SUMF1: variants seen among roughly 807,000 people sequenced by gnomAD.
SUMF1 encodes sulfatase modifying factor 1, also known as formylglycine-generating enzyme.
A neutral mutation model predicts 47.6 loss-of-function variants in SUMF1; 48 were observed. That is an observed-to-expected ratio of 1.01 (90% CI 0.80 to 1.28). The LOEUF is 1.28. Ranked by LOEUF, SUMF1 falls within the 50% of genes most tolerant of loss-of-function variation. The pLI is 0.00. For synonymous variants in SUMF1, 230 were observed against 192.1 expected (o/e 1.20, Z -1.63); for missense variants, 571 against 485.4 (o/e 1.18, Z -1.66).
At chr3:4,454,200 C>A (rs1206763810) in intron 1 of SUMF1, among the ~76,000 whole-genome samples, 1 of 152,162 alleles carries the variant, frequency 6.6e-6, no homozygotes, top group Non-Finnish European at 1.5e-5. Context: ...TTGTTCCTAT[C>A]TACCTTCCCA....
rs1162348925 is a variant in SUMF1, at chr3:4,296,680, AT to A, written c.1014+79649del. ...TGGGTCCCTCCCACGACACGTGCGGATTACAGGAGCTACAATTCAAGATGAG... is the reference window on the plus strand; with the variant it reads ...TGGGTCCCTCCCACGACACGTGCGGATACAGGAGCTACAATTCAAGATGAG... On this transcript the variant is annotated intron_variant and NMD_transcript_variant, in intron 8 of 12. Coordinates refer to the SUMF1 transcript ENST00000448413. 5.9e-5 allele frequency among the ~76,000 whole-genome samples: 9 copies of A among 152,302 alleles called. No individual in the cohort carries two copies. The East Asian group carries it at 1.7e-3, about 29-fold the overall frequency.
chr3:4,456,741 C>CGTGTATATATAT (rs2079629809), intron 1 of SUMF1, among the ~76,000 whole-genome samples: 5 of 41,604 alleles, frequency 1.2e-4, no homozygotes, highest in African/African-American at 4.0e-4. Flanking sequence ...TGTATATATA[C>CGTGTATATATAT]ACACATATAT....
intron 8 of SUMF1, among the ~76,000 whole-genome samples, chr3:4,179,015 C>T (rs926089005): frequency 6.6e-6 from 1 of 152,126 alleles, no homozygotes; most frequent in Non-Finnish European, 1.5e-5. Context: ...AGGAGAACTA[C>T]AAACTACTGC....
At chr3:4,393,542 A>T (rs1323715093) in intron 7 of SUMF1, among the ~76,000 whole-genome samples, 1 of 152,160 alleles carries the variant, frequency 6.6e-6, no homozygotes, top group Non-Finnish European at 1.5e-5. Context: ...TATATTGACC[A>T]GGCTGGTCTT....
intron 7 of SUMF1, among the ~76,000 whole-genome samples, chr3:4,392,597 G>C (rs935604934): frequency 1.9e-4 from 21 of 109,098 alleles, no homozygotes; most frequent in Non-Finnish European, 3.4e-4. Context: ...ATATATATGT[G>C]TGTGTGTGTG....
At chr3:4,042,553 T>C (rs1694927423) in intron 9 of SUMF1, among the ~76,000 whole-genome samples, 2 of 152,210 alleles carry the variant, frequency 1.3e-5, no homozygotes. Context: ...GTGTCACTCT[T>C]GTTATTTATC....
chr3:4,251,314 A>C (rs1337391487), intron 8 of SUMF1, among the ~76,000 whole-genome samples: 1 of 152,122 alleles, frequency 6.6e-6, no homozygotes, highest in African/African-American at 2.4e-5. Flanking sequence ...TAAAACTTTC[A>C]CTGATGAGGA....
At chr3:4,195,034 T>C (rs924847110) in intron 8 of SUMF1, among the ~76,000 whole-genome samples, 4 of 152,258 alleles carry the variant, frequency 2.6e-5, no homozygotes, top group Admixed American at 1.3e-4. Flanking sequence ...CCCTTGTCTG[T>C]GGAGGCTTAA....
intron 8 of SUMF1, among the ~76,000 whole-genome samples, chr3:4,264,541 C>T (rs1157719932): frequency 6.6e-6 from 1 of 152,068 alleles, no homozygotes; most frequent in African/African-American, 2.4e-5. Flanking sequence ...GGGAAAGGCA[C>T]ACATTTTATT....
chr3:4,061,855 A>C, intron 9 of SUMF1, among the ~76,000 whole-genome samples: 1 of 152,030 alleles, frequency 6.6e-6, no homozygotes, highest in African/African-American at 2.4e-5. Flanking sequence ...GTAAGGAGAA[A>C]CCTTTAGGCC....
chr3:4,414,188 G>A (rs912072126), intron 6 of SUMF1, among the ~76,000 whole-genome samples: 2 of 152,118 alleles, frequency 1.3e-5, no homozygotes, highest in African/African-American at 4.8e-5. Flanking sequence ...TAAATTAGCT[G>A]GGCATGATGG....
chr3:4,140,780 C>G (rs1294394916), intron 8 of SUMF1, among the ~76,000 whole-genome samples: 7 of 151,858 alleles, frequency 4.6e-5, no homozygotes. Context: ...AGGTTATCCT[C>G]AAAGTAGAGG....
At chr3:4,215,289 C>A (rs1440400376) in intron 8 of SUMF1, among the ~76,000 whole-genome samples, 1 of 152,104 alleles carries the variant, frequency 6.6e-6, no homozygotes, top group South Asian at 2.1e-4. Context: ...GAACCAATGC[C>A]AAAAACAACA....
intron 9 of SUMF1, among the ~76,000 whole-genome samples, chr3:4,061,850 G>A (rs992237471): frequency 6.6e-6 from 1 of 152,060 alleles, no homozygotes; most frequent in Non-Finnish European, 1.5e-5. Context: ...AGTGTGTAAG[G>A]AGAAACCTTT....
At chr3:4,065,184 T>C (rs1695348177) in intron 9 of SUMF1, among the ~76,000 whole-genome samples, 1 of 152,170 alleles carries the variant, frequency 6.6e-6, no homozygotes, top group Non-Finnish European at 1.5e-5. Context: ...GACTTAATAG[T>C]TTCTTCCGCA....
chr3:4,371,784 G>A (rs1275833925), intron 8 of SUMF1, among the ~76,000 whole-genome samples: 1 of 152,166 alleles, frequency 6.6e-6, no homozygotes, highest in Non-Finnish European at 1.5e-5. Context: ...TATCTGCACT[G>A]TATACATGAG....
At chr3:4,074,947 C>G (rs1692385632) in intron 8 of SUMF1, among the ~76,000 whole-genome samples, 1 of 152,204 alleles carries the variant, frequency 6.6e-6, no homozygotes, top group East Asian at 1.9e-4. Context: ...CCTTCTGAAA[C>G]TATTCCAATG....
intron 8 of SUMF1, among the ~76,000 whole-genome samples, chr3:4,090,077 A>G (rs1692751491): frequency 6.6e-6 from 1 of 152,158 alleles, no homozygotes; most frequent in Middle Eastern, 3.2e-3. Flanking sequence ...AGGTATTCCC[A>G]GCACTAGCAC....
At chr3:4,129,711 A>G (rs536587225) in intron 8 of SUMF1, among the ~76,000 whole-genome samples, 2 of 152,294 alleles carry the variant, frequency 1.3e-5, no homozygotes, top group East Asian at 3.9e-4. Context: ...ATTTGGGGAA[A>G]TACTGAACAC....
Sources: allele counts gnomAD v4.1 joint callset (sites outside exome capture counted in the v4.1 genomes callset), GRCh38; gene constraint gnomAD v4.1.1; transcripts MANE v1.5; gene names NCBI Gene and HGNC (gene_info 2026-07-23, HGNC 2026-07-21).